Variants in LRRIQ3 observed in about 807,000 individuals in gnomAD.
LRRIQ3 encodes the protein leucine-rich repeat and IQ domain-containing protein 3.
A neutral mutation model predicts 59.3 loss-of-function variants in LRRIQ3; 75 were observed. The ratio of observed to expected loss-of-function variants is 1.26; its 90% CI spans 1.05 to 1.53. LRRIQ3 has a LOEUF of 1.53. LRRIQ3 is among the 40% of genes most tolerant of loss of function. The probability of loss-of-function intolerance (pLI) is 0.00; values close to 1 mark genes in which losing one functional copy is unlikely to be tolerated. For synonymous variants in LRRIQ3, 250 were observed against 231.3 expected (o/e 1.08, Z -0.73); for missense variants, 831 against 710.0 (o/e 1.17, Z -1.94).
chr1:74,182,912 A>T (rs1199496084), intron 2 of LRRIQ3, 51 bp from the exon 3 acceptor site: 1 of 1,027,850 alleles, frequency 9.7e-7, no homozygotes, highest in Non-Finnish European at 1.4e-6. Context: ...TTTTTCGAAT[A>T]GCACAGAAAA....
intron 5 of LRRIQ3, among the ~76,000 whole-genome samples, chr1:74,102,466 A>G (rs1646550175): frequency 6.6e-6 from 1 of 152,062 alleles, no homozygotes; most frequent in Admixed American, 6.6e-5. Context: ...AAAAATAGTA[A>G]AAGACAAGTG....
chr1:74,149,043 A>AT (rs35497923), intron 4 of LRRIQ3, among the ~76,000 whole-genome samples: 149,142 of 152,266 alleles, frequency 0.98, 73,123 homozygotes, highest in Middle Eastern at 1. Context: ...AATAAATTAT[A>AT]TGGTTATAAG....
intron 6 of LRRIQ3, among the ~76,000 whole-genome samples, chr1:74,048,683 AT>A (rs11349176): frequency 0.83 from 125,635 of 151,924 alleles, 53,471 homozygotes; most frequent in East Asian, 0.97. Flanking sequence ...TTTTATGTAA[AT>A]TTTTTTTCCT....
At position 74,041,275 on chromosome 1, in the gene LRRIQ3, A is replaced by G; in HGVS notation, c.1656T>C (p.Val552=). ...EAVLKEKSLI[V]KQKLKAEKYR... ...ATTTTTCTGCTTTTAGTTTTTGCTT[A>G]ACAATCAGGCTTTTCTCTTTTAGGA... The change falls in exon 7 of 8, where the codon GTT becomes GTC. Residue 552 remains valine (V), a synonymous_variant. Transcript: ENST00000354431. 1.9e-6 allele frequency: 3 copies of G among 1,599,304 alleles called. No individual in the cohort carries two copies. Among genetic ancestry groups the G allele is most frequent in the East Asian group, 2.2e-5 (1 of 44,748 alleles).
chr1:74,059,643 ATTTGTT>A (rs943453575), intron 6 of LRRIQ3, among the ~76,000 whole-genome samples: 2 of 151,982 alleles, frequency 1.3e-5, no homozygotes, highest in African/African-American at 4.8e-5. Flanking sequence ...AGTTCTTCAA[ATTTGTT>A]TTTATTTTTA....
At position 74,028,279 on chromosome 1, in the gene LRRIQ3, G is replaced by A. The variant is rs1003173594; in HGVS notation, c.1719-1310C>T. Among the ~76,000 whole-genome samples the A allele has an allele frequency of 2.6e-5, 4 of 152,026 alleles. No homozygotes were observed. In the East Asian group the frequency reaches 5.8e-4, roughly 22 times the overall value. On this transcript the variant is annotated intron_variant, in intron 7 of 7. Transcript: ENST00000354431. The stretch of plus-strand genomic sequence containing the variant: ...GAAGTTGAGGAGAAAAAGAGAGGGT[G>A]AAGTCTAAAAAGCCTGCAGCTTATT...
chr1:74,132,578 G>T (rs1647043883), intron 4 of LRRIQ3, among the ~76,000 whole-genome samples: 1 of 152,062 alleles, frequency 6.6e-6, no homozygotes, highest in Non-Finnish European at 1.5e-5. Context: ...ACAACCATCT[G>T]ATCTTTGACA....
intron 4 of LRRIQ3, among the ~76,000 whole-genome samples, chr1:74,137,413 G>C (rs1647142067): frequency 6.6e-6 from 1 of 152,084 alleles, no homozygotes; most frequent in African/African-American, 2.4e-5. Flanking sequence ...ATGCCAGTTA[G>C]AATGGCAATC....
intron 6 of LRRIQ3, among the ~76,000 whole-genome samples, chr1:74,056,274 G>C (rs796129466): frequency 5.3e-5 from 8 of 151,996 alleles, no homozygotes; most frequent in African/African-American, 1.9e-4. Flanking sequence ...CATACACAAT[G>C]GGAAAAATTT....
At chr1:74,099,851 C>T (rs1366366535) in intron 5 of LRRIQ3, among the ~76,000 whole-genome samples, 1 of 152,138 alleles carries the variant, frequency 6.6e-6, no homozygotes, top group African/African-American at 2.4e-5. Context: ...TGACAGAATT[C>T]AACAGCCTTT....
At chr1:74,087,212 T>A (rs1366663778) in intron 5 of LRRIQ3, among the ~76,000 whole-genome samples, 1 of 151,922 alleles carries the variant, frequency 6.6e-6, no homozygotes, top group Non-Finnish European at 1.5e-5. Flanking sequence ...AACAGCCCTA[T>A]CCACTTGTTT....
At chr1:74,152,496 GTA>G (rs1648056161) in intron 4 of LRRIQ3, among the ~76,000 whole-genome samples, 1 of 152,050 alleles carries the variant, frequency 6.6e-6, no homozygotes, top group Non-Finnish European at 1.5e-5. Flanking sequence ...ACTATTTTGT[GTA>G]TATTGTAGGA....
At position 74,041,602 on chromosome 1, in the gene LRRIQ3, T is replaced by C. The variant is rs760257670; in HGVS notation, c.1329A>G (p.Val443=). 6.2e-7 allele frequency: 1 copy of C among 1,613,890 alleles called. No individual in the cohort carries two copies. The highest frequency in any genetic ancestry group is 1.1e-5 in the South Asian group (1 of 91,064). The change falls in exon 7 of 8, where the codon GTA becomes GTG. Residue 443 remains valine (V), a synonymous_variant. Transcript: ENST00000354431. ...TTTCTCGAGCAACTTGTGCCATGGC[T>C]ACAACTCTTACTTTTTCTTTATGGT... is the stretch of plus-strand genomic sequence containing the variant. ...QEYHKEKVRV[V]AMAQVARERV... is the part of the protein sequence containing the mutation.
chr1:74,114,209 ACT>A (rs1646745436), intron 4 of LRRIQ3, among the ~76,000 whole-genome samples: 1 of 151,764 alleles, frequency 6.6e-6, no homozygotes, highest in South Asian at 2.1e-4. Context: ...AATATAACAA[ACT>A]CTATGAATAT....
Position 74,041,778 on chromosome 1 carries a change from T to C in LRRIQ3, c.1153A>G (p.Ile385Val). Reference protein sequence around the residue: ...QHFFPAYPQPIYTTHPKPIIK... With the variant: ...QHFFPAYPQPVYTTHPKPIIK... ...ATTGGCTTTGGATGAGTAGTATAGA[T>C]TGGCTGAGGATATGCAGGAAAAAAA... The change falls in exon 7 of 8, where the codon ATC becomes GTC. Residue 385 changes from isoleucine (I) to valine (V), a missense_variant. By Grantham distance (29) the Ile-to-Val change is conservative. Transcript: ENST00000354431. 1 of 1,613,772 alleles carries C rather than the reference T, an allele frequency of 6.2e-7. No homozygotes were observed. Among genetic ancestry groups the C allele is most frequent in the Non-Finnish European group, 8.5e-7 (1 of 1,179,788 alleles).
chr1:74,066,988 C>A (rs866180402), intron 6 of LRRIQ3, among the ~76,000 whole-genome samples: 8 of 152,030 alleles, frequency 5.3e-5, no homozygotes, highest in Admixed American at 1.3e-4. Flanking sequence ...AATTATGTCA[C>A]CCCAATTAAA....
At chr1:74,176,304 TAC>T (rs1359655935) in intron 3 of LRRIQ3, among the ~76,000 whole-genome samples, 2 of 152,196 alleles carry the variant, frequency 1.3e-5, no homozygotes, top group East Asian at 3.9e-4. Context: ...TTATATTCTT[TAC>T]AGTTTTTGGT....
chr1:74,079,123 A>C (rs1646243022), intron 5 of LRRIQ3, among the ~76,000 whole-genome samples: 1 of 151,752 alleles, frequency 6.6e-6, no homozygotes, highest in Non-Finnish European at 1.5e-5. Context: ...TATAATATAC[A>C]TTTTCATTTG....
At chr1:74,154,772 C>T (rs1018802700) in intron 4 of LRRIQ3, among the ~76,000 whole-genome samples, 1 of 152,182 alleles carries the variant, frequency 6.6e-6, no homozygotes, top group African/African-American at 2.4e-5. Context: ...GATTCTTTTG[C>T]ACCTCCTTTA....
Sources: gnomAD v4.1 joint callset for allele counts (sites outside exome capture counted in the v4.1 genomes callset) on GRCh38, gnomAD v4.1.1 for gene constraint, MANE v1.5 for transcripts, NCBI Gene and HGNC (gene_info 2026-07-23, HGNC 2026-07-21) for gene names.